The following EPB41L2 variants were observed in gnomAD, a reference collection of about 807,000 sequenced individuals.
EPB41L2 encodes band 4.1-like protein 2.
A neutral mutation model predicts 113.0 loss-of-function variants in EPB41L2; 43 were observed. The ratio of observed to expected loss-of-function variants is 0.38; its 90% CI spans 0.30 to 0.49. EPB41L2 has a LOEUF of 0.49. EPB41L2 is among the 20% of genes least tolerant of loss of function. The probability of loss-of-function intolerance (pLI) is 0.95; values close to 1 mark genes in which losing one functional copy is unlikely to be tolerated. For missense variants in EPB41L2, 1,147 were observed against 1,223.4 expected (o/e 0.94, Z 0.93); for synonymous variants, 442 against 436.7 (o/e 1.01, Z -0.15).
intron 1 of EPB41L2, among the ~76,000 whole-genome samples, chr6:131,039,821 C>T (rs1794085763): frequency 6.6e-6 from 1 of 150,598 alleles, no homozygotes; most frequent in Non-Finnish European, 1.5e-5. Context: ...AAAAATGATA[C>T]TCAAAAAGAG....
intron 1 of EPB41L2, among the ~76,000 whole-genome samples, chr6:130,993,898 T>C (rs1782468891): frequency 6.6e-6 from 1 of 152,160 alleles, no homozygotes; most frequent in Non-Finnish European, 1.5e-5. Context: ...GAAAAATGTT[T>C]AAAAACCAAC....
chr6:130,925,185 C>G (rs1243007390), intron 4 of EPB41L2, among the ~76,000 whole-genome samples: 1 of 124,156 alleles, frequency 8.1e-6, no homozygotes, highest in Non-Finnish European at 1.6e-5. Flanking sequence ...TATCAGATTT[C>G]TTTTCTTTTT....
intron 1 of EPB41L2, among the ~76,000 whole-genome samples, chr6:131,062,202 A>AT (rs1267468293): frequency 6.7e-6 from 1 of 148,810 alleles, no homozygotes; most frequent in Non-Finnish European, 1.5e-5. Context: ...ATACATATAT[A>AT]TAAAAAAAAA....
chr6:130,986,544 T>C (rs916804124), intron 1 of EPB41L2, among the ~76,000 whole-genome samples: 1 of 151,770 alleles, frequency 6.6e-6, no homozygotes, highest in Admixed American at 6.6e-5. Flanking sequence ...CTAGGGAAAG[T>C]GAAGAGTAGG....
chr6:130,898,317 T>C (rs879815078), intron 8 of EPB41L2, among the ~76,000 whole-genome samples: 1 of 152,120 alleles, frequency 6.6e-6, no homozygotes, highest in Non-Finnish European at 1.5e-5. Flanking sequence ...AATGCAAGAA[T>C]TATTAATCAG....
intron 5 of EPB41L2, among the ~76,000 whole-genome samples, chr6:130,908,439 G>C (rs1425115622): frequency 6.6e-6 from 1 of 152,178 alleles, no homozygotes; most frequent in East Asian, 1.9e-4. Flanking sequence ...GGCCAAAGAT[G>C]TGCATATTGA....
chr6:130,956,434 A>G lies in EPB41L2; in HGVS notation c.52T>C (p.Leu18=). Residue 18 remains leucine, a synonymous_variant, in exon 2 of 20, where the codon TTA becomes CTA. Coordinates refer to ENST00000337057, the MANE Select transcript of EPB41L2 (RefSeq NM_001431.4). Reference sequence around the variant, plus strand: ...TTTTCCTTGGTTGCATCTGTTCCTAACTGGCTAGAGTCCTTCTTCACTTCA... The same window carrying G: ...TTTTCCTTGGTTGCATCTGTTCCTAGCTGGCTAGAGTCCTTCTTCACTTCA... The part of the protein sequence containing the change: ...VSEVKKDSSQ[L]GTDATKEKPK... 1 of 1,614,002 alleles carries G rather than the reference A, an allele frequency of 6.2e-7. No homozygotes were observed. The highest frequency in any genetic ancestry group is 8.5e-7 in the Non-Finnish European group (1 of 1,180,030).
intron 19 of EPB41L2, among the ~76,000 whole-genome samples, chr6:130,854,060 T>C (rs566458945): frequency 1.3e-5 from 2 of 152,362 alleles, no homozygotes; most frequent in South Asian, 2.1e-4. Flanking sequence ...CTTCAGATTT[T>C]AAACTCAAAC....
intron 4 of EPB41L2, among the ~76,000 whole-genome samples, chr6:130,913,974 A>G (rs1800191221): frequency 6.6e-6 from 1 of 152,164 alleles, no homozygotes; most frequent in African/African-American, 2.4e-5. Flanking sequence ...ATGATACACT[A>G]CAGTATTCAT....
At chr6:130,953,752 G>A (rs1237793286) in intron 3 of EPB41L2, among the ~76,000 whole-genome samples, 1 of 151,904 alleles carries the variant, frequency 6.6e-6, no homozygotes, top group African/African-American at 2.4e-5. Flanking sequence ...CTGTAACTGA[G>A]GTTGAAGGGA....
At chr6:130,955,017 A>G in intron 3 of EPB41L2, 88 bp downstream of exon 3, 1 of 1,161,434 alleles carries the variant, frequency 8.6e-7, no homozygotes, top group East Asian at 2.3e-5. Context: ...ACTGGCTTAC[A>G]GGAACTTAAT....
At chr6:131,023,300 C>T (rs1262406871) in intron 1 of EPB41L2, among the ~76,000 whole-genome samples, 2 of 151,654 alleles carry the variant, frequency 1.3e-5, no homozygotes, top group African/African-American at 4.9e-5. Context: ...AATTTATTTC[C>T]TATTATTTCT....
chr6:130,871,466 A>C (rs1187813644), intron 14 of EPB41L2, among the ~76,000 whole-genome samples: 2 of 152,200 alleles, frequency 1.3e-5, no homozygotes, highest in Non-Finnish European at 2.9e-5. Flanking sequence ...CCAAGGTACT[A>C]ACTGGACTGG....
intron 1 of EPB41L2, among the ~76,000 whole-genome samples, chr6:131,015,548 T>C (rs1156641158): frequency 1.3e-5 from 2 of 152,220 alleles, no homozygotes; most frequent in African/African-American, 4.8e-5. Context: ...GAAGATTTAC[T>C]TCAAATCAAA....
chr6:130,899,080 C>A (rs1390363209), intron 8 of EPB41L2, among the ~76,000 whole-genome samples: 2 of 152,056 alleles, frequency 1.3e-5, no homozygotes, highest in Admixed American at 6.6e-5. Context: ...GAAAGTGGTC[C>A]CATGCTACTT....
At chr6:131,020,041 GA>G (rs1233755964) in intron 1 of EPB41L2, among the ~76,000 whole-genome samples, 2 of 151,962 alleles carry the variant, frequency 1.3e-5, no homozygotes, top group African/African-American at 2.4e-5. Context: ...TTTTCTGGAG[GA>G]AAACATATGT....
At chr6:130,892,675 G>A (rs1345129526) in intron 10 of EPB41L2, among the ~76,000 whole-genome samples, 3 of 151,958 alleles carry the variant, frequency 2.0e-5, no homozygotes, top group African/African-American at 4.8e-5. Flanking sequence ...TCAATTTAAC[G>A]TCAAGAAAGA....
intron 3 of EPB41L2, among the ~76,000 whole-genome samples, chr6:130,950,871 T>G (rs550082014): frequency 6.6e-6 from 1 of 152,292 alleles, no homozygotes; most frequent in South Asian, 2.1e-4. Flanking sequence ...ATTAGCGGGT[T>G]AGAAAAATAC....
intron 1 of EPB41L2, among the ~76,000 whole-genome samples, chr6:131,017,927 T>G (rs946162360): frequency 2.0e-5 from 3 of 152,224 alleles, no homozygotes; most frequent in Non-Finnish European, 4.4e-5. Context: ...TTTCTCTGCA[T>G]TGTGTACAAT....
Sources: allele counts gnomAD v4.1 joint callset (sites outside exome capture counted in the v4.1 genomes callset), GRCh38; gene constraint gnomAD v4.1.1; transcripts MANE v1.5; gene names NCBI Gene and HGNC (gene_info 2026-07-23, HGNC 2026-07-21).